Variants in FNDC3A observed in about 807,000 individuals in gnomAD.
The protein encoded by FNDC3A is fibronectin type III domain containing 3A.
Under a neutral mutation model 148.9 loss-of-function variants are expected in FNDC3A, and 32 were observed. The observed-to-expected ratio is 0.21, with a 90% confidence interval of 0.16 to 0.29. The LOEUF is 0.29. Among genes scored for constraint, FNDC3A ranks in the 10% least tolerant of loss-of-function variants. The probability of loss-of-function intolerance (pLI) is 1.00; values close to 1 mark genes in which losing one functional copy is unlikely to be tolerated. For synonymous variants in FNDC3A, 472 were observed against 473.6 expected, an observed-to-expected ratio of 1.00 and a Z score of 0.04; for missense variants, 1,191 against 1,452.8, an observed-to-expected ratio of 0.82 and a Z score of 2.93.
chr13:49,204,441 C>CTA (rs1207649169), intron 25 of FNDC3A, among the ~76,000 whole-genome samples: 2 of 152,010 alleles, frequency 1.3e-5, no homozygotes, highest in Admixed American at 6.6e-5. Context: ...CAGTATTGTG[C>CTA]TATTGTAACC....
intron 3 of FNDC3A, among the ~76,000 whole-genome samples, 156 bp from the exon 4 acceptor site, chr13:49,114,499 T>C (rs1880804107): frequency 6.6e-6 from 1 of 151,508 alleles, no homozygotes; most frequent in Non-Finnish European, 1.5e-5. Flanking sequence ...GATAAATTTT[T>C]ATAACAAGTC....
At chr13:49,083,259 A>G (rs1462510449) in intron 3 of FNDC3A, among the ~76,000 whole-genome samples, 2 of 152,176 alleles carry the variant, frequency 1.3e-5, no homozygotes, top group Admixed American at 1.3e-4. Flanking sequence ...AGACTCCTCA[A>G]ACACACAAAG....
chr13:49,111,885 C>T (rs1397241871), intron 3 of FNDC3A, among the ~76,000 whole-genome samples: 1 of 151,926 alleles, frequency 6.6e-6, no homozygotes. Flanking sequence ...TTTATTTTAG[C>T]TTACATTTCT....
At chr13:48,976,623 C>T (rs1477148747) in intron 1 of FNDC3A, 1 of 152,306 alleles carries the variant, frequency 6.6e-6, no homozygotes, top group East Asian at 1.9e-4. Flanking sequence ...CGGAATCCTC[C>T]TGAGAGGATC....
intron 8 of FNDC3A, among the ~76,000 whole-genome samples, chr13:49,162,401 G>A (rs914526862): frequency 6.6e-6 from 1 of 152,078 alleles, no homozygotes; most frequent in Admixed American, 6.6e-5. Context: ...GATGGAATCT[G>A]GTACTGAAGC....
At chr13:49,036,108 A>G (rs1874474050) in intron 2 of FNDC3A, among the ~76,000 whole-genome samples, 2 of 152,160 alleles carry the variant, frequency 1.3e-5, no homozygotes, top group South Asian at 4.1e-4. Flanking sequence ...TATTCAAATG[A>G]AATGAATTTC....
At chr13:49,004,078 A>G (rs1436030793) in intron 1 of FNDC3A, among the ~76,000 whole-genome samples, 1 of 152,170 alleles carries the variant, frequency 6.6e-6, no homozygotes, top group African/African-American at 2.4e-5. Context: ...AGTTATTTCT[A>G]TTCTTTTTAA....
intron 19 of FNDC3A, 61 bp from the exon 20 acceptor site, chr13:49,196,816 G>A: frequency 2.4e-6 from 2 of 829,058 alleles, no homozygotes; most frequent in South Asian, 1.6e-5. Flanking sequence ...ATGCAGTTCT[G>A]TGCAATCAGT....
intron 2 of FNDC3A, among the ~76,000 whole-genome samples, chr13:49,056,862 T>A (rs1476771050): frequency 6.6e-6 from 1 of 152,226 alleles, no homozygotes; most frequent in African/African-American, 2.4e-5. Flanking sequence ...ATTTTAAACA[T>A]TTTAATGTTG....
intron 3 of FNDC3A, among the ~76,000 whole-genome samples, chr13:49,108,762 G>A (rs1050615392): frequency 2.6e-5 from 4 of 152,118 alleles, no homozygotes; most frequent in African/African-American, 9.7e-5. Flanking sequence ...TGGGTCTAAC[G>A]TATATGAGTA....
chr13:49,162,589 A>C (rs1884211452), intron 8 of FNDC3A, among the ~76,000 whole-genome samples: 1 of 152,164 alleles, frequency 6.6e-6, no homozygotes, highest in African/African-American at 2.4e-5. Flanking sequence ...GTTACTACCA[A>C]CTTTCTGAAG....
In FNDC3A at chr13:49,208,512, T is replaced by G. The variant is rs1487650070; in HGVS notation, c.*1117T>G. Reference sequence around the variant, plus strand: ...TAAACGTTTAACGTATAATGTCTGTTTGGATACTGTTCCAAATTGTTGATT... The same window carrying G: ...TAAACGTTTAACGTATAATGTCTGTGTGGATACTGTTCCAAATTGTTGATT... On this transcript the variant is annotated 3_prime_UTR_variant, in exon 26 of 26. Coordinates refer to ENST00000492622, the MANE Select transcript of FNDC3A (RefSeq NM_001079673.2). 6.6e-6 allele frequency: 1 copy of G among 152,662 alleles called. No individual in the cohort carries two copies. Among genetic ancestry groups the G allele is most frequent in the African/African-American group, 2.4e-5 (1 of 41,470 alleles). 9.5% of individuals were successfully genotyped at this position (152,662 alleles called of 1,614,324 possible). A position where few individuals can be genotyped will look rare whatever the true frequency, so the allele number is the denominator to read the frequency against.
chr13:49,098,668 A>G (rs1361285315), intron 3 of FNDC3A, among the ~76,000 whole-genome samples: 2 of 152,104 alleles, frequency 1.3e-5, no homozygotes, highest in Non-Finnish European at 2.9e-5. Context: ...ACCATAAGTC[A>G]TTCTTCAAAT....
rs369427106 is a variant in FNDC3A at position 49,166,861 on chromosome 13, T to A, written c.978-383T>A. Among the ~76,000 whole-genome samples the A allele has an allele frequency of 3.2e-4, 49 of 152,364 alleles. 1 individual carries two copies. The highest frequency in any genetic ancestry group is 1.1e-3 in the African/African-American group (44 of 41,582). On this transcript the variant is annotated intron_variant, in intron 8 of 25. Coordinates refer to ENST00000492622, the MANE Select transcript of FNDC3A (RefSeq NM_001079673.2). ...TTCTAATAAAATAGTGGCAGAGTCC[T>A]TGTAAAAAATTGGCAATTTTGCTTT...
chr13:48,979,705 GTGTT>G (rs1436264792), intron 1 of FNDC3A, among the ~76,000 whole-genome samples: 7 of 152,108 alleles, frequency 4.6e-5, no homozygotes, highest in Admixed American at 3.9e-4. Context: ...TAGCTTATAT[GTGTT>G]TGTTTGTATG....
At chr13:49,038,219 G>C (rs1874647123) in intron 2 of FNDC3A, among the ~76,000 whole-genome samples, 2 of 152,098 alleles carry the variant, frequency 1.3e-5, no homozygotes, top group Admixed American at 1.3e-4. Flanking sequence ...CAGGATAGGG[G>C]GTGCGGTGGG....
intron 2 of FNDC3A, among the ~76,000 whole-genome samples, chr13:49,019,191 C>T (rs764633975): frequency 1.3e-5 from 2 of 152,174 alleles, no homozygotes; most frequent in Admixed American, 6.5e-5. Flanking sequence ...GCGGGCGCCC[C>T]TCCCCCAGCC....
At chr13:49,164,605 C>G (rs145363129) in intron 8 of FNDC3A, among the ~76,000 whole-genome samples, 1 of 151,232 alleles carries the variant, frequency 6.6e-6, no homozygotes, top group Non-Finnish European at 1.5e-5. Flanking sequence ...CATTTTTATT[C>G]TTCTTCTTTT....
chr13:49,132,322 T>G (rs963293498), intron 5 of FNDC3A, among the ~76,000 whole-genome samples: 1 of 152,204 alleles, frequency 6.6e-6, no homozygotes, highest in Non-Finnish European at 1.5e-5. Context: ...CTGTTCTGTT[T>G]AAACTATTTC....
Sources: allele counts gnomAD v4.1 joint callset (sites outside exome capture counted in the v4.1 genomes callset), GRCh38; gene constraint gnomAD v4.1.1; transcripts MANE v1.5; gene names NCBI Gene and HGNC (gene_info 2026-07-23, HGNC 2026-07-21).